The following HDAC9 variants were observed in gnomAD, a reference collection of about 807,000 sequenced individuals.
The protein encoded by HDAC9 is histone deacetylase 9, also known as MEF-2 interacting transcription repressor (MITR) protein.
HDAC9 carries 41 observed loss-of-function variants against 139.4 expected under a neutral mutation model. That is an observed-to-expected ratio of 0.29 (90% CI 0.23 to 0.38). The LOEUF is 0.38. Ranked by LOEUF, HDAC9 falls within the 10% of genes least tolerant of loss-of-function variation. The pLI is 1.00. For synonymous variants in HDAC9, 517 were observed against 476.2 expected, an observed-to-expected ratio of 1.09 and a Z score of -1.12; for missense variants, 1,147 against 1,297.0, an observed-to-expected ratio of 0.88 and a Z score of 1.78.
chr7:18,943,210 C>T (rs1015366015), intron 23 of HDAC9, among the ~76,000 whole-genome samples: 1 of 152,016 alleles, frequency 6.6e-6, no homozygotes, highest in African/African-American at 2.4e-5. Context: ...CCTGAACGAA[C>T]TTCCCTTCAA....
At chr7:18,518,648 T>G (rs940410995) in intron 2 of HDAC9, among the ~76,000 whole-genome samples, 2 of 152,142 alleles carry the variant, frequency 1.3e-5, no homozygotes, top group Non-Finnish European at 2.9e-5. Flanking sequence ...GAGAAATTAA[T>G]GCAAAAGCTT....
intron 19 of HDAC9, among the ~76,000 whole-genome samples, 187 bp from the exon 20 acceptor site, chr7:18,835,280 A>G (rs1369836528): frequency 1.3e-5 from 2 of 152,188 alleles, no homozygotes; most frequent in Admixed American, 6.5e-5. Flanking sequence ...AATTTGCCTG[A>G]AAGTTCAGGA....
chr7:18,875,032 G>GT (rs1799214962), intron 22 of HDAC9, among the ~76,000 whole-genome samples: 1 of 152,086 alleles, frequency 6.6e-6, no homozygotes, highest in Non-Finnish European at 1.5e-5. Flanking sequence ...AAACAAAAGT[G>GT]TAATTCCCCT....
At position 18,835,486 on chromosome 7, in the gene HDAC9, G is replaced by T; in HGVS notation, c.2486G>T (p.Gly829Val). 1 of 1,613,410 alleles carries T rather than the reference G, an allele frequency of 6.2e-7. No homozygotes were observed. The highest frequency in any genetic ancestry group is 2.2e-5 in the East Asian group (1 of 44,860). The stretch of plus-strand genomic sequence containing the variant: ...CTGTAGGATGTTCACCATGGAAACG[G>T]TACCCAGCAGGCCTTTTATGCTGAC... ...IVDLDVHHGN[G>V]TQQAFYADPS... The change falls in exon 20 of 26, where the codon GGT (glycine) becomes GTT (valine). Residue 829 changes from glycine to valine, a missense_variant. By Grantham distance (109) the Gly-to-Val change is moderately radical. This residue lies in a region of HDAC9 where 407 missense variants were observed against 521.5 expected (regional missense o/e 0.78). Coordinates refer to ENST00000686413, the MANE Select transcript of HDAC9 (RefSeq NM_178425.4).
intron 1 of HDAC9, among the ~76,000 whole-genome samples, chr7:18,406,852 T>C (rs1788058440): frequency 6.6e-6 from 1 of 152,104 alleles, no homozygotes; most frequent in Non-Finnish European, 1.5e-5. Flanking sequence ...AAAAATAATA[T>C]AGTGATGAAG....
chr7:18,767,166 G>T lies in HDAC9; in HGVS notation c.2214+11G>T. On this transcript the variant is annotated intron_variant, in intron 16 of 25. Coordinates refer to ENST00000686413, the MANE Select transcript of HDAC9 (RefSeq NM_178425.4). ...TGTGGTGGACTTGGGGTAAGTACAA[G>T]TTGGTTTACTGCCTTTAAATAACAT... 3 of 1,538,526 alleles carry T rather than the reference G, an allele frequency of 1.9e-6. No homozygotes were observed. The highest frequency in any genetic ancestry group is 2.7e-6 in the Non-Finnish European group (3 of 1,131,636).
intron 21 of HDAC9, among the ~76,000 whole-genome samples, chr7:18,873,156 G>C (rs1331617046): frequency 6.6e-6 from 1 of 152,100 alleles, no homozygotes; most frequent in African/African-American, 2.4e-5. Flanking sequence ...GAAGAATCCA[G>C]TATATCTCCT....
intron 1 of HDAC9, among the ~76,000 whole-genome samples, chr7:18,451,992 G>A (rs1792914118): frequency 6.6e-6 from 1 of 152,094 alleles, no homozygotes; most frequent in South Asian, 2.1e-4. Context: ...GGACTGTGTG[G>A]AACCTAAAAC....
At chr7:18,938,348 C>T (rs111865074) in intron 23 of HDAC9, among the ~76,000 whole-genome samples, 3 of 151,822 alleles carry the variant, frequency 2.0e-5, no homozygotes, top group Non-Finnish European at 4.4e-5. Flanking sequence ...GTAATCGCAG[C>T]ACTTTGGGAG....
At chr7:18,363,914 T>G (rs1016949691) in intron 1 of HDAC9, among the ~76,000 whole-genome samples, 4 of 152,164 alleles carry the variant, frequency 2.6e-5, no homozygotes, top group Non-Finnish European at 4.4e-5. Context: ...TGCCTTAACA[T>G]TAATATTTTT....
At chr7:18,323,178 AC>A (rs1304687410) in intron 1 of HDAC9, among the ~76,000 whole-genome samples, 4 of 152,006 alleles carry the variant, frequency 2.6e-5, no homozygotes, top group African/African-American at 9.7e-5. Context: ...TTATCTTTGA[AC>A]CCGTTCAGTC....
At chr7:18,311,919 G>A (rs1183977867) in intron 1 of HDAC9, among the ~76,000 whole-genome samples, 2 of 152,154 alleles carry the variant, frequency 1.3e-5, no homozygotes, top group African/African-American at 2.4e-5. Context: ...GATTACTGTG[G>A]GGGGAAATGG....
chr7:18,472,466 A>T (rs1221887432), intron 1 of HDAC9, among the ~76,000 whole-genome samples: 1 of 152,176 alleles, frequency 6.6e-6, no homozygotes, highest in Non-Finnish European at 1.5e-5. Context: ...CCTTTATTGC[A>T]GTCTGCAACT....
chr7:18,574,197 A>G (rs1825248219), intron 2 of HDAC9, among the ~76,000 whole-genome samples: 1 of 152,234 alleles, frequency 6.6e-6, no homozygotes, highest in Admixed American at 6.5e-5. Context: ...TCCTTTCTCC[A>G]GGCAGGTCAT....
intron 1 of HDAC9, among the ~76,000 whole-genome samples, chr7:18,394,456 A>C (rs758527265): frequency 6.6e-6 from 1 of 152,092 alleles, no homozygotes; most frequent in Admixed American, 6.6e-5. Context: ...TACACTTCCT[A>C]GGAGTGCTTC....
intron 16 of HDAC9, among the ~76,000 whole-genome samples, chr7:18,788,128 C>A (rs1367556259): frequency 6.6e-6 from 1 of 152,238 alleles, no homozygotes; most frequent in Non-Finnish European, 1.5e-5. Context: ...AGGTCGGCAG[C>A]AGATTAACTC....
intron 1 of HDAC9, among the ~76,000 whole-genome samples, chr7:18,349,512 T>C (rs2128671719): frequency 6.6e-6 from 1 of 152,312 alleles, no homozygotes; most frequent in South Asian, 2.1e-4. Context: ...TTATCTGCTT[T>C]ATCCCCACTG....
At chr7:18,139,331 T>C (rs1785714832) in intron 1 of HDAC9, among the ~76,000 whole-genome samples, 1 of 152,094 alleles carries the variant, frequency 6.6e-6, no homozygotes, top group South Asian at 2.1e-4. Context: ...TTTGTCATGT[T>C]GCCCAGGCTG....
At chr7:18,932,947 A>G (rs138743835) in intron 22 of HDAC9, among the ~76,000 whole-genome samples, 58 of 152,272 alleles carry the variant, frequency 3.8e-4, no homozygotes, top group African/African-American at 1.4e-3. Context: ...TATAATATAC[A>G]TGTGCAAACA....
Sources: allele counts gnomAD v4.1 joint callset (sites outside exome capture counted in the v4.1 genomes callset), GRCh38; gene constraint gnomAD v4.1.1; regional missense constraint gnomAD v4.1.1; transcripts MANE v1.5; gene names NCBI Gene and HGNC (gene_info 2026-07-23, HGNC 2026-07-21).